Variants in RNF212B observed in about 807,000 individuals in gnomAD.
The protein encoded by RNF212B is ring finger protein 212B.
RNF212B carries 52 observed loss-of-function variants against 55.5 expected under a neutral mutation model. That is an observed-to-expected ratio of 0.94 (90% CI 0.75 to 1.18). RNF212B has a LOEUF of 1.18. Among genes scored for constraint, RNF212B ranks in the 50% most tolerant of loss-of-function variants. The pLI, the probability that RNF212B is intolerant of heterozygous loss-of-function variation, is 0.00. For missense variants in RNF212B, 289 were observed against 350.4 expected (o/e 0.82, Z 1.40); for synonymous variants, 99 against 121.4 (o/e 0.82, Z 1.21).
upstream of RNF212B, among the ~76,000 whole-genome samples, chr14:23,236,345 C>T (rs924046973): frequency 2.6e-5 from 4 of 152,142 alleles, no homozygotes; most frequent in Non-Finnish European, 5.9e-5. Flanking sequence ...GAAACCCCGT[C>T]TCTACTAAAA....
chr14:23,216,041 C>G (rs879872536), intron 2 of RNF212B, among the ~76,000 whole-genome samples: 4 of 150,276 alleles, frequency 2.7e-5, no homozygotes, highest in Non-Finnish European at 4.4e-5. Context: ...ATCAGGAGAT[C>G]GAGACCATCC....
chr14:23,214,466 C>T (rs1307599726), intron 2 of RNF212B, among the ~76,000 whole-genome samples: 3 of 151,794 alleles, frequency 2.0e-5, no homozygotes, highest in African/African-American at 7.3e-5. Context: ...TGTACTCCGG[C>T]CTGGGCAACA....
intron 2 of RNF212B, among the ~76,000 whole-genome samples, chr14:23,213,999 TGTA>T (rs1418422642): frequency 6.6e-6 from 1 of 152,166 alleles, no homozygotes; most frequent in Non-Finnish European, 1.5e-5. Context: ...TGGGTGTACC[TGTA>T]GTCCTAGCTG....
intron 4 of RNF212B, among the ~76,000 whole-genome samples, chr14:23,253,201 A>G (rs1396047144): frequency 6.6e-6 from 1 of 152,226 alleles, no homozygotes; most frequent in Non-Finnish European, 1.5e-5. Context: ...TGCTAAAATA[A>G]CAATTCCATA....
intron 1 of RNF212B, chr14:23,193,214 T>G (rs1384803974): frequency 2.6e-5 from 4 of 152,086 alleles, no homozygotes; most frequent in Admixed American, 1.3e-4. Context: ...GAATATGATT[T>G]TCAACTCAGA....
chr14:23,254,287 AAAAACAAAAC>A (rs371325887), intron 4 of RNF212B, among the ~76,000 whole-genome samples: 10 of 82,278 alleles, frequency 1.2e-4, no homozygotes, highest in Middle Eastern at 6.0e-3. Flanking sequence ...TCTTTATCTC[AAAAACAAAAC>A]AAAACAAAAC....
At chr14:23,264,759 C>A in intron 11 of RNF212B, 88 bp downstream of exon 11, 2 of 707,010 alleles carry the variant, frequency 2.8e-6, no homozygotes, top group South Asian at 7.0e-5. Flanking sequence ...AATATAATGC[C>A]ATTTCACTTG....
upstream of RNF212B, among the ~76,000 whole-genome samples, chr14:23,233,957 C>A (rs963927897): frequency 6.6e-6 from 1 of 151,902 alleles, no homozygotes; most frequent in Non-Finnish European, 1.5e-5. Context: ...ATTAGCCAGG[C>A]CTGGTGGTGT....
intron 4 of RNF212B, among the ~76,000 whole-genome samples, chr14:23,250,588 C>A (rs1423581620): frequency 6.6e-6 from 1 of 151,740 alleles, no homozygotes; most frequent in African/African-American, 2.4e-5. Context: ...CTTATTAGTT[C>A]ATGTGTCAGA....
chr14:23,234,335 T>A (rs12889946), upstream of RNF212B, among the ~76,000 whole-genome samples: 2 of 150,104 alleles, frequency 1.3e-5, no homozygotes, highest in South Asian at 2.1e-4. Flanking sequence ...AAGTTTTTTT[T>A]AAAATTACTT....
chr14:23,244,445 A>C (rs1401341634), intron 4 of RNF212B, 49 bp downstream of exon 4: 1 of 944,330 alleles, frequency 1.1e-6, no homozygotes, highest in Non-Finnish European at 1.6e-6. Context: ...GCAAATTCTA[A>C]TTGCATCTTA....
intron 4 of RNF212B, among the ~76,000 whole-genome samples, chr14:23,255,029 G>T (rs904978311): frequency 6.6e-6 from 1 of 151,976 alleles, no homozygotes; most frequent in African/African-American, 2.4e-5. Context: ...CAGTTCATCT[G>T]ATCTTCCAAG....
Position 23,270,678 on chromosome 14 carries a change from C to G in RNF212B, c.834+17C>G. ...GTCCTGCAGGTGAGACCTGGCTAGT[C>G]TAACTTGTCTGTGCATAAAATCTCA... On this transcript the variant is annotated intron_variant, in intron 14 of 14. Transcript: ENST00000430154. The G allele has an allele frequency of 2.0e-6, 3 of 1,526,772 alleles. No homozygotes were observed. The highest frequency in any genetic ancestry group is 2.7e-6 in the Non-Finnish European group (3 of 1,125,174). The allele number at this position is 1,526,772 out of a possible 1,614,324, so 94.6% of individuals were successfully genotyped here. A position where few individuals can be genotyped will look rare whatever the true frequency, so the allele number is the denominator to read the frequency against.
At chr14:23,246,556 G>A (rs35033427) in intron 4 of RNF212B, among the ~76,000 whole-genome samples, 2,478 of 151,886 alleles carry the variant, frequency 0.016, 34 homozygotes, top group Non-Finnish European at 0.024. Flanking sequence ...ATGAGACAAT[G>A]TTTATGGAAA....
intron 2 of RNF212B, among the ~76,000 whole-genome samples, chr14:23,210,677 T>C (rs1880406190): frequency 7.0e-6 from 1 of 143,880 alleles, no homozygotes; most frequent in Non-Finnish European, 1.5e-5. Flanking sequence ...CTCAGGAGGC[T>C]GAGGCAGGAG....
At chr14:23,246,884 T>C (rs1448804641) in intron 4 of RNF212B, among the ~76,000 whole-genome samples, 1 of 152,232 alleles carries the variant, frequency 6.6e-6, no homozygotes, top group Non-Finnish European at 1.5e-5. Flanking sequence ...CTCACGCCTG[T>C]AATCCCAGCA....
At chr14:23,248,246 C>T (rs1457278897) in intron 4 of RNF212B, among the ~76,000 whole-genome samples, 1 of 151,718 alleles carries the variant, frequency 6.6e-6, no homozygotes, top group Non-Finnish European at 1.5e-5. Flanking sequence ...TCTCACCTCA[C>T]CCTCCCAGGT....
upstream of RNF212B, among the ~76,000 whole-genome samples, chr14:23,236,054 A>G (rs1483725425): frequency 2.0e-5 from 3 of 152,192 alleles, no homozygotes; most frequent in African/African-American, 7.2e-5. Flanking sequence ...TTCTTCACAC[A>G]CTCCAACCAA....
At chr14:23,229,246 A>G (rs997029471) in intron 2 of RNF212B, among the ~76,000 whole-genome samples, 1 of 96,290 alleles carries the variant, frequency 1.0e-5, no homozygotes, top group African/African-American at 3.5e-5. Context: ...ATATATATAT[A>G]TATATATATA....
Sources: gnomAD v4.1 joint callset for allele counts (sites outside exome capture counted in the v4.1 genomes callset) on GRCh38, gnomAD v4.1.1 for gene constraint, MANE v1.5 for transcripts, NCBI Gene and HGNC (gene_info 2026-07-23, HGNC 2026-07-21) for gene names.